Variants in CELF1 observed in about 807,000 individuals in gnomAD.
The protein encoded by CELF1 is CUGBP Elav-like family member 1.
A neutral mutation model predicts 61.8 loss-of-function variants in CELF1; 10 were observed. That is an observed-to-expected ratio of 0.16 (90% confidence interval 0.10 to 0.27). The LOEUF (loss-of-function observed/expected upper bound fraction) is 0.27, where lower values mean the gene tolerates loss of function less well. Ranked by LOEUF, CELF1 falls within the 10% of genes least tolerant of loss-of-function variation. CELF1 has a pLI of 1.00. For missense variants in CELF1, 380 were observed against 639.1 expected (o/e 0.59, Z 4.37); for synonymous variants, 236 against 225.1 (o/e 1.05, Z -0.43).
chr11:47,528,278 C>T (rs1221530173), intron 1 of CELF1, among the ~76,000 whole-genome samples: 1 of 152,008 alleles, frequency 6.6e-6, no homozygotes, highest in Non-Finnish European at 1.5e-5. Context: ...TGGACTAGAT[C>T]GGGGTCCATA....
At chr11:47,489,090 C>T in intron 3 of CELF1, 66 bp from the exon 4 acceptor site, 1 of 1,304,638 alleles carries the variant, frequency 7.7e-7, no homozygotes, top group Non-Finnish European at 1.0e-6. Context: ...ATTTTCTTTT[C>T]TTTAATGATC....
At chr11:47,516,457 A>G (rs1336688818) in intron 1 of CELF1, among the ~76,000 whole-genome samples, 1 of 152,220 alleles carries the variant, frequency 6.6e-6, no homozygotes, top group Admixed American at 6.5e-5. Flanking sequence ...TGGTTGCTAC[A>G]GCTGATAATT....
At chr11:47,537,124 A>AT (rs2096648467) in intron 1 of CELF1, among the ~76,000 whole-genome samples, 1 of 152,118 alleles carries the variant, frequency 6.6e-6, no homozygotes, top group Non-Finnish European at 1.5e-5. Flanking sequence ...TCCTTTTCTT[A>AT]TTCTTTGGAG....
At chr11:47,481,640 C>G (rs1408829879) in intron 9 of CELF1, among the ~76,000 whole-genome samples, 1 of 152,032 alleles carries the variant, frequency 6.6e-6, no homozygotes, top group Admixed American at 6.5e-5. Flanking sequence ...CATTAATAGC[C>G]TAAGATGACC....
Position 47,472,316 on chromosome 11 carries a change from T to C in CELF1, c.1459A>G (p.Ile487Val), listed in dbSNP as rs755607070. The C allele has an allele frequency of 1.9e-6, 3 of 1,614,158 alleles. No individual in the cohort carries two copies. Among genetic ancestry groups the C allele is most frequent in the Non-Finnish European group, 2.5e-6 (3 of 1,180,010 alleles). ...YDNPVSAQAA[I>V]QSMNGFQIGM... ...ATCTGAAAGCCGTTCATGGACTGGA[T>C]GGCAGCTTGGGCCGAAACAGGATTG... Residue 487 changes from isoleucine to valine, a missense_variant, in exon 15 of 15, where the codon ATC becomes GTC. Coordinates refer to ENST00000687097, the MANE Select transcript of CELF1 (RefSeq NM_001376376.1).
intron 1 of CELF1, among the ~76,000 whole-genome samples, chr11:47,519,790 G>C (rs1177536886): frequency 6.6e-6 from 1 of 151,834 alleles, no homozygotes; most frequent in Non-Finnish European, 1.5e-5. Flanking sequence ...ATGAACCCAG[G>C]AGGCGCAGCT....
In CELF1 at chr11:47,473,470, C is replaced by T. The variant is rs2078572553; in HGVS notation, c.1274-239G>A. The stretch of plus-strand genomic sequence containing the variant: ...CTCATTGAGGATGTGAGAAATTCTA[C>T]CCGCAGGAGGAGGAGTGTTGGGATA... On this transcript the variant is annotated intron_variant, in intron 13 of 14. Coordinates refer to ENST00000687097, the MANE Select transcript of CELF1 (RefSeq NM_001376376.1). 3.3e-5 allele frequency among the ~76,000 whole-genome samples: 5 copies of T among 152,180 alleles called. No homozygotes were observed. In the South Asian group the frequency reaches 1.0e-3, roughly 31 times the overall value.
At chr11:47,543,606 CA>C (rs1241120237) in intron 1 of CELF1, among the ~76,000 whole-genome samples, 2 of 152,176 alleles carry the variant, frequency 1.3e-5, no homozygotes, top group African/African-American at 2.4e-5. Context: ...AAGGTCTCAT[CA>C]AGGAAACTGT....
At chr11:47,519,784 A>C (rs543373643) in intron 1 of CELF1, among the ~76,000 whole-genome samples, 2 of 151,494 alleles carry the variant, frequency 1.3e-5, no homozygotes, top group East Asian at 1.9e-4. Flanking sequence ...AATGGCATGA[A>C]CCCAGGAGGC....
intron 1 of CELF1, among the ~76,000 whole-genome samples, chr11:47,529,881 AG>A (rs965973562): frequency 2.1e-4 from 32 of 152,252 alleles, no homozygotes; most frequent in Admixed American, 1.3e-4. Context: ...ACTGGAATGA[AG>A]GGGACTGATA....
At chr11:47,560,681 T>G (rs1159582924) in intron 2 of CELF1, among the ~76,000 whole-genome samples, 1 of 152,160 alleles carries the variant, frequency 6.6e-6, no homozygotes, top group Non-Finnish European at 1.5e-5. Flanking sequence ...GTGAGTATAT[T>G]AACAAACACT....
chr11:47,468,546 G>A lies in CELF1; in HGVS notation c.*3684C>T, dbSNP rs1036603418. 5 of 152,740 alleles carry A rather than the reference G, an allele frequency of 3.3e-5. No individual in the cohort carries two copies. In the South Asian group the frequency reaches 6.2e-4, roughly 19 times the overall value. The allele number at this position is 152,740 out of a possible 1,614,324, so 9.5% of individuals were successfully genotyped here. ...TATGTGCTAGTAGGGCTGCTCTGAA[G>A]ACAATTACAAAGAATTGGAATCACA... is the stretch of plus-strand genomic sequence containing the variant. On this transcript the variant is annotated 3_prime_UTR_variant, in exon 15 of 15. Transcript: ENST00000687097.
At chr11:47,494,980 G>C (rs917090727) in intron 3 of CELF1, among the ~76,000 whole-genome samples, 1 of 152,196 alleles carries the variant, frequency 6.6e-6, no homozygotes, top group African/African-American at 2.4e-5. Context: ...TCGAACTCCT[G>C]GCCTCAAGGG....
intron 1 of CELF1, among the ~76,000 whole-genome samples, chr11:47,529,252 C>A (rs1021694121): frequency 6.7e-6 from 1 of 148,956 alleles, no homozygotes; most frequent in Non-Finnish European, 1.5e-5. Context: ...TCTAATCCTA[C>A]CTTGGAGCAA....
chr11:47,554,784 C>G (rs868420890), upstream of CELF1, among the ~76,000 whole-genome samples: 1 of 151,882 alleles, frequency 6.6e-6, no homozygotes, highest in Non-Finnish European at 1.5e-5. Context: ...GCCTCAGCCT[C>G]CCGAGTAGCT....
At chr11:47,508,729 G>T (rs1454513145) in intron 1 of CELF1, among the ~76,000 whole-genome samples, 1 of 151,392 alleles carries the variant, frequency 6.6e-6, no homozygotes, top group Admixed American at 6.6e-5. Context: ...CTTCCACACA[G>T]GATTCTGTCA....
intron 1 of CELF1, among the ~76,000 whole-genome samples, chr11:47,541,737 AGAACG>A (rs2096794438): frequency 1.3e-4 from 2 of 15,928 alleles, no homozygotes; most frequent in Non-Finnish European, 2.8e-4. Context: ...AACGAAAGAA[AGAACG>A]AAAGAAAGAA....
chr11:47,536,789 T>A (rs2096640735), intron 1 of CELF1, among the ~76,000 whole-genome samples: 1 of 152,032 alleles, frequency 6.6e-6, no homozygotes, highest in African/African-American at 2.4e-5. Flanking sequence ...AAAATTGCAC[T>A]TGTAAATGTA....
chr11:47,561,826 A>G (rs534978113), intron 2 of CELF1, among the ~76,000 whole-genome samples: 1 of 152,300 alleles, frequency 6.6e-6, no homozygotes, highest in South Asian at 2.1e-4. Flanking sequence ...TTGAAATATT[A>G]TTTGGCAATA....
Sources: allele counts gnomAD v4.1 joint callset (sites outside exome capture counted in the v4.1 genomes callset), GRCh38; gene constraint gnomAD v4.1.1; transcripts MANE v1.5; gene names NCBI Gene and HGNC (gene_info 2026-07-23, HGNC 2026-07-21).